AGBL1: variants seen among roughly 807,000 people sequenced by gnomAD.
AGBL1 encodes cytosolic carboxypeptidase 4.
Under a neutral mutation model 118.9 loss-of-function variants are expected in AGBL1, and 130 were observed. The ratio of observed to expected loss-of-function variants is 1.09; its 90% CI spans 0.95 to 1.26. The LOEUF (loss-of-function observed/expected upper bound fraction) is 1.26, where lower values mean the gene tolerates loss of function less well. AGBL1 is among the 50% of genes most tolerant of loss of function. The probability of loss-of-function intolerance (pLI) is 0.00; values close to 1 mark genes in which losing one functional copy is unlikely to be tolerated. For synonymous variants in AGBL1, 555 were observed against 478.9 expected, an observed-to-expected ratio of 1.16 and a Z score of -2.08; for missense variants, 1,584 against 1,298.1, an observed-to-expected ratio of 1.22 and a Z score of -3.38.
intron 18 of AGBL1, among the ~76,000 whole-genome samples, chr15:86,422,405 C>T (rs1388639352): frequency 6.6e-6 from 1 of 152,100 alleles, no homozygotes; most frequent in East Asian, 1.9e-4. Context: ...CCAGTGAGAA[C>T]AAAGACACAA....
At chr15:86,148,927 T>A (rs1391959308) in intron 3 of AGBL1, among the ~76,000 whole-genome samples, 1 of 152,238 alleles carries the variant, frequency 6.6e-6, no homozygotes, top group Admixed American at 6.5e-5. Context: ...ACAGCGGATC[T>A]CTTGGCAGAA....
chr15:86,665,233 G>T (rs1023390234), intron 21 of AGBL1, among the ~76,000 whole-genome samples: 1 of 152,092 alleles, frequency 6.6e-6, no homozygotes, highest in Non-Finnish European at 1.5e-5. Context: ...GACTGTCTCT[G>T]TTGCTCATTT....
intron 22 of AGBL1, among the ~76,000 whole-genome samples, chr15:86,891,111 G>T (rs987891118): frequency 6.6e-6 from 1 of 152,002 alleles, no homozygotes; most frequent in African/African-American, 2.4e-5. Context: ...TCCACTGTTA[G>T]CTGTATTCCT....
At chr15:86,606,123 T>G (rs1255460226) in intron 21 of AGBL1, among the ~76,000 whole-genome samples, 3 of 15,160 alleles carry the variant, frequency 2.0e-4, no homozygotes, top group Non-Finnish European at 1.3e-4. Context: ...CAAGACTCCA[T>G]CTCAAAAAAA....
intron 21 of AGBL1, among the ~76,000 whole-genome samples, chr15:86,578,035 C>G (rs549002758): frequency 6.6e-6 from 1 of 151,684 alleles, no homozygotes; most frequent in Non-Finnish European, 1.5e-5. Flanking sequence ...AGAGGGCCAC[C>G]GTCCTCCAGA....
intron 21 of AGBL1, among the ~76,000 whole-genome samples, chr15:86,578,674 C>T (rs1262272260): frequency 6.6e-6 from 1 of 152,128 alleles, no homozygotes; most frequent in East Asian, 1.9e-4. Context: ...TTTTCCTGTG[C>T]TGTTCTTGTG....
At chr15:86,333,070 T>C (rs561851062) in intron 17 of AGBL1, among the ~76,000 whole-genome samples, 1 of 152,292 alleles carries the variant, frequency 6.6e-6, no homozygotes, top group South Asian at 2.1e-4. Flanking sequence ...TAGTGCTAAA[T>C]ACCTACCTCA....
intron 21 of AGBL1, among the ~76,000 whole-genome samples, chr15:86,625,802 C>A (rs2084878401): frequency 6.6e-6 from 1 of 152,008 alleles, no homozygotes; most frequent in African/African-American, 2.4e-5. Flanking sequence ...AAAAGACATG[C>A]AACCCTAGAG....
intron 18 of AGBL1, among the ~76,000 whole-genome samples, chr15:86,477,118 A>T (rs963780665): frequency 3.9e-5 from 6 of 152,174 alleles, no homozygotes; most frequent in Non-Finnish European, 8.8e-5. Flanking sequence ...CAATGCCCAC[A>T]AGAGAAAGCA....
intron 22 of AGBL1, among the ~76,000 whole-genome samples, chr15:86,715,713 AC>A (rs1412455270): frequency 1.3e-5 from 2 of 152,198 alleles, no homozygotes; most frequent in African/African-American, 4.8e-5. Context: ...AAGGAAAAGC[AC>A]AGGGAAAATG....
At chr15:86,578,568 G>C (rs2084128736) in intron 21 of AGBL1, among the ~76,000 whole-genome samples, 1 of 152,182 alleles carries the variant, frequency 6.6e-6, no homozygotes. Flanking sequence ...AGTGTGGAAT[G>C]ATATGGTTTG....
intron 1 of AGBL1, among the ~76,000 whole-genome samples, chr15:86,094,216 A>G (rs889990977): frequency 6.6e-6 from 1 of 152,118 alleles, no homozygotes; most frequent in African/African-American, 2.4e-5. Context: ...TTAATTTTCG[A>G]CCAAAACTCT....
At chr15:86,578,523 T>G (rs922325260) in intron 21 of AGBL1, among the ~76,000 whole-genome samples, 6 of 152,178 alleles carry the variant, frequency 3.9e-5, no homozygotes, top group African/African-American at 1.4e-4. Flanking sequence ...ATGATTGGTT[T>G]TGAAATGTGA....
intron 23 of AGBL1, among the ~76,000 whole-genome samples, chr15:86,967,136 G>A (rs974085887): frequency 2.4e-4 from 36 of 152,032 alleles, no homozygotes; most frequent in African/African-American, 5.3e-4. Context: ...TTTGAGAAGC[G>A]TCTGTTCATA....
chr15:86,895,151 T>A (rs981168310), intron 22 of AGBL1, among the ~76,000 whole-genome samples: 1 of 147,062 alleles, frequency 6.8e-6, no homozygotes, highest in African/African-American at 2.5e-5. Context: ...TTTCTCTTTT[T>A]ACTCTTTTCT....
At position 86,991,203 on chromosome 15, in the gene AGBL1, T is replaced by C. The variant is rs184087094; in HGVS notation, c.3323+3115T>C. Among the ~76,000 whole-genome samples the C allele has an allele frequency of 3.4e-3, 517 of 152,312 alleles. 9 individuals carry two copies. The highest frequency in any genetic ancestry group is 0.012 in the African/African-American group (485 of 41,568). ...GATCTGAATTTTCTCTGGCAAATGATACAAAAGTCTTTTTCTTTTTATTTT... is the reference window on the plus strand; with the variant it reads ...GATCTGAATTTTCTCTGGCAAATGACACAAAAGTCTTTTTCTTTTTATTTT... On this transcript the variant is annotated intron_variant, in intron 24 of 24. Transcript: ENST00000441037.
At chr15:86,554,970 C>G (rs114158409) in intron 21 of AGBL1, among the ~76,000 whole-genome samples, 16 of 152,152 alleles carry the variant, frequency 1.1e-4, no homozygotes, top group African/African-American at 3.4e-4. Flanking sequence ...CCATCTTCTG[C>G]GTCAATCTAA....
chr15:86,771,313 T>A (rs1201666711), intron 22 of AGBL1, among the ~76,000 whole-genome samples: 1 of 152,054 alleles, frequency 6.6e-6, no homozygotes, highest in Non-Finnish European at 1.5e-5. Flanking sequence ...AATACAGATG[T>A]TATTCTACAT....
intron 16 of AGBL1, among the ~76,000 whole-genome samples, chr15:86,292,138 G>A (rs2079557224): frequency 6.6e-6 from 1 of 152,292 alleles, no homozygotes; most frequent in Non-Finnish European, 1.5e-5. Context: ...TACATGGTAA[G>A]GGGACTTTGA....
Sources: allele counts gnomAD v4.1 joint callset (sites outside exome capture counted in the v4.1 genomes callset), GRCh38; gene constraint gnomAD v4.1.1; transcripts MANE v1.5; gene names NCBI Gene and HGNC (gene_info 2026-07-23, HGNC 2026-07-21).